PPM1H: variants seen among roughly 807,000 people sequenced by gnomAD.
The protein encoded by PPM1H is protein phosphatase, Mg2+/Mn2+ dependent 1H.
A neutral mutation model predicts 54.9 loss-of-function variants in PPM1H; 27 were observed. That is an observed-to-expected ratio of 0.49 (90% CI 0.36 to 0.68). The LOEUF (loss-of-function observed/expected upper bound fraction) is 0.68, where lower values mean the gene tolerates loss of function less well. PPM1H is among the 30% of genes least tolerant of loss of function. PPM1H has a pLI of 0.00. For synonymous variants in PPM1H, 305 were observed against 270.8 expected, an observed-to-expected ratio of 1.13 and a Z score of -1.24; for missense variants, 596 against 667.8, an observed-to-expected ratio of 0.89 and a Z score of 1.19.
chr12:62,812,005 G>T (rs1249226975), intron 2 of PPM1H, among the ~76,000 whole-genome samples: 1 of 152,212 alleles, frequency 6.6e-6, no homozygotes, highest in African/African-American at 2.4e-5. Context: ...AAGTAACTCT[G>T]CTGGTATGTG....
At chr12:62,803,301 C>T (rs982588536) in intron 2 of PPM1H, among the ~76,000 whole-genome samples, 1 of 152,106 alleles carries the variant, frequency 6.6e-6, no homozygotes, top group Non-Finnish European at 1.5e-5. Context: ...CACTTTTGAA[C>T]CCATGTTTGA....
At chr12:62,676,859 C>A (rs1331887433) in intron 8 of PPM1H, among the ~76,000 whole-genome samples, 1 of 152,138 alleles carries the variant, frequency 6.6e-6, no homozygotes, top group Non-Finnish European at 1.5e-5. Flanking sequence ...GGGAAAGGGG[C>A]AGGTCCGCGG....
chr12:62,859,218 A>T (rs1592640000), intron 1 of PPM1H, among the ~76,000 whole-genome samples: 1 of 152,208 alleles, frequency 6.6e-6, no homozygotes, highest in Admixed American at 6.5e-5. Context: ...TGCGATCTTC[A>T]ATTCTAGTTC....
intron 6 of PPM1H, among the ~76,000 whole-genome samples, chr12:62,698,899 A>G (rs1446657610): frequency 6.6e-6 from 1 of 152,144 alleles, no homozygotes; most frequent in Non-Finnish European, 1.5e-5. Flanking sequence ...TGTTAGTTTT[A>G]GTCCATTGTT....
chr12:62,838,654 G>GACAGGAGATCAT, intron 1 of PPM1H, among the ~76,000 whole-genome samples: 1 of 102,560 alleles, frequency 9.8e-6, no homozygotes, highest in African/African-American at 5.0e-5. Context: ...GGGCGCGGTG[G>GACAGGAGATCAT]CTCACGCCTG....
intron 7 of PPM1H, among the ~76,000 whole-genome samples, chr12:62,691,828 G>T (rs1405517308): frequency 8.0e-6 from 1 of 124,608 alleles, no homozygotes; most frequent in Non-Finnish European, 1.7e-5. Context: ...AAAAAAAAAA[G>T]TGATGCAAAG....
intron 1 of PPM1H, among the ~76,000 whole-genome samples, chr12:62,841,454 C>T (rs1868745951): frequency 6.6e-6 from 1 of 152,162 alleles, no homozygotes; most frequent in African/African-American, 2.4e-5. Context: ...TTGTGGTTTT[C>T]ATACTATAAT....
At chr12:62,687,903 G>A (rs1196805439) in intron 8 of PPM1H, among the ~76,000 whole-genome samples, 2 of 151,752 alleles carry the variant, frequency 1.3e-5, no homozygotes, top group Admixed American at 6.6e-5. Context: ...CAGCTACTTG[G>A]GAGGCTGAGG....
intron 2 of PPM1H, among the ~76,000 whole-genome samples, chr12:62,813,970 T>A (rs979688652): frequency 6.6e-6 from 1 of 152,244 alleles, no homozygotes; most frequent in Non-Finnish European, 1.5e-5. Context: ...TTAAAACATT[T>A]AAAAATTTTA....
At chr12:62,856,685 C>G (rs770213292) in intron 1 of PPM1H, among the ~76,000 whole-genome samples, 11 of 152,078 alleles carry the variant, frequency 7.2e-5, no homozygotes, top group Admixed American at 1.3e-4. Context: ...ATATGTACAA[C>G]TATGTGTCAA....
intron 3 of PPM1H, among the ~76,000 whole-genome samples, chr12:62,793,733 TC>T (rs2076714094): frequency 1.6e-5 from 1 of 61,822 alleles, no homozygotes; most frequent in South Asian, 6.0e-4. Context: ...AGAGAGAAAC[TC>T]CGTTTCAAAA....
At chr12:62,749,821 A>G (rs1412571316) in intron 4 of PPM1H, among the ~76,000 whole-genome samples, 1 of 152,176 alleles carries the variant, frequency 6.6e-6, no homozygotes, top group Non-Finnish European at 1.5e-5. Flanking sequence ...AAAATAAGTG[A>G]CCACTCATAG....
intron 5 of PPM1H, among the ~76,000 whole-genome samples, chr12:62,728,386 A>G (rs939565982): frequency 3.9e-5 from 6 of 152,180 alleles, no homozygotes; most frequent in African/African-American, 1.2e-4. Context: ...CCAGAGTTTG[A>G]GTAGGGGAAT....
chr12:62,746,089 G>C (rs1372528659), intron 4 of PPM1H, among the ~76,000 whole-genome samples: 1 of 152,112 alleles, frequency 6.6e-6, no homozygotes, highest in Non-Finnish European at 1.5e-5. Context: ...CAGCTACTCA[G>C]AAAGCTTAGA....
chr12:62,829,805 A>G (rs2120847879), intron 2 of PPM1H, among the ~76,000 whole-genome samples: 1 of 152,358 alleles, frequency 6.6e-6, no homozygotes, highest in South Asian at 2.1e-4. Flanking sequence ...GGAACTCAGT[A>G]AAAAGGAAAA....
At chr12:62,778,118 G>C (rs2076621688) in intron 4 of PPM1H, among the ~76,000 whole-genome samples, 1 of 152,206 alleles carries the variant, frequency 6.6e-6, no homozygotes, top group Non-Finnish European at 1.5e-5. Flanking sequence ...GGTAACAAAA[G>C]AGGTAATTGG....
intron 6 of PPM1H, among the ~76,000 whole-genome samples, chr12:62,714,308 C>T (rs2076224203): frequency 6.6e-6 from 1 of 152,196 alleles, no homozygotes; most frequent in South Asian, 2.1e-4. Flanking sequence ...GGAAATTTCT[C>T]TTTGCCTCAA....
At chr12:62,761,948 C>G (rs1423118829) in intron 4 of PPM1H, among the ~76,000 whole-genome samples, 4 of 152,288 alleles carry the variant, frequency 2.6e-5, no homozygotes, top group African/African-American at 9.6e-5. Context: ...ACTCTCAGGA[C>G]CTGCCATCTG....
At chr12:62,876,171 G>C (rs139331868) in intron 1 of PPM1H, among the ~76,000 whole-genome samples, 4 of 152,264 alleles carry the variant, frequency 2.6e-5, no homozygotes, top group African/African-American at 9.6e-5. Flanking sequence ...TTAAAATAAG[G>C]ATCAATAAAA....
Sources: allele counts gnomAD v4.1 joint callset (sites outside exome capture counted in the v4.1 genomes callset), GRCh38; gene constraint gnomAD v4.1.1; transcripts MANE v1.5; gene names NCBI Gene and HGNC (gene_info 2026-07-23, HGNC 2026-07-21).